Variants in FBXO11 observed in about 807,000 individuals in gnomAD.
FBXO11 encodes F-box protein 11, also known as F-box only protein 11.
A neutral mutation model predicts 117.0 loss-of-function variants in FBXO11; 13 were observed. The ratio of observed to expected loss-of-function variants is 0.11; its 90% CI spans 0.07 to 0.18. The LOEUF (loss-of-function observed/expected upper bound fraction) is 0.18, where lower values mean the gene tolerates loss of function less well. Among genes scored for constraint, FBXO11 ranks in the 10% least tolerant of loss-of-function variants. FBXO11 has a pLI of 1.00. For missense variants in FBXO11, 767 were observed against 1,164.4 expected, an observed-to-expected ratio of 0.66 and a Z score of 4.97; for synonymous variants, 490 against 380.5, an observed-to-expected ratio of 1.29 and a Z score of -3.35.
chr2:47,880,180 TAG>T (rs1676335316), intron 1 of FBXO11, among the ~76,000 whole-genome samples: 1 of 152,104 alleles, frequency 6.6e-6, no homozygotes, highest in Non-Finnish European at 1.5e-5. Context: ...GTATTTTTGG[TAG>T]AGTCAGGGTT....
At chr2:47,854,914 C>A in intron 1 of FBXO11, among the ~76,000 whole-genome samples, 1 of 150,152 alleles carries the variant, frequency 6.7e-6, no homozygotes, top group East Asian at 2.0e-4. Context: ...ATTCATCAAA[C>A]CTTTTATTAA....
chr2:47,812,165 CCTTA>C (rs1670665192), intron 18 of FBXO11, among the ~76,000 whole-genome samples: 2 of 152,224 alleles, frequency 1.3e-5, no homozygotes, highest in Admixed American at 6.5e-5. Flanking sequence ...GTACCTCTTC[CCTTA>C]CTTTCAGTTT....
intron 1 of FBXO11, among the ~76,000 whole-genome samples, chr2:47,867,135 CTCTT>C (rs1675257866): frequency 2.6e-5 from 4 of 152,202 alleles, no homozygotes; most frequent in Admixed American, 1.3e-4. Flanking sequence ...ATTCTCTCCT[CTCTT>C]TATTGGTACA....
intron 1 of FBXO11, among the ~76,000 whole-genome samples, chr2:47,900,592 A>ACACG (rs1558486164): frequency 1.4e-5 from 2 of 145,114 alleles, no homozygotes; most frequent in African/African-American, 2.7e-5. Context: ...ATATATACGT[A>ACACG]TATACACACG....
At position 47,806,956 on chromosome 2, in the gene FBXO11, A is replaced by AT; in HGVS notation, c.*1161dup. 1 of 952,076 alleles carries AT rather than the reference A, an allele frequency of 1.1e-6. No individual in the cohort carries two copies. Among genetic ancestry groups the AT allele is most frequent in the Admixed American group, 2.0e-5 (1 of 50,116 alleles). 59.0% of individuals were successfully genotyped at this position (952,076 alleles called of 1,614,324 possible). A position where few individuals can be genotyped will look rare whatever the true frequency, so the allele number is the denominator to read the frequency against. On this transcript the variant is annotated 3_prime_UTR_variant, in exon 23 of 23. Coordinates refer to ENST00000403359, the MANE Select transcript of FBXO11 (RefSeq NM_001190274.2). ...TAAACTTTATTTTTTAAAAATGACC[A>AT]TTTTTCCATTTTCTTTCTAGGAAAT... is the stretch of plus-strand genomic sequence containing the variant.
At position 47,839,746 on chromosome 2, in the gene FBXO11, C is replaced by T; in HGVS notation, c.256G>A (p.Val86Ile). ...ERDDDVPADMVAEESGPGAQN... is the reference protein window; with the variant it reads ...ERDDDVPADMIAEESGPGAQN... Reference sequence around the variant, plus strand: ...GCACCAGGACCTGATTCTTCTGCAACCATATCTGCAGGCACATCATCATCT... The same window carrying T: ...GCACCAGGACCTGATTCTTCTGCAATCATATCTGCAGGCACATCATCATCT... Residue 86 changes from valine (V) to isoleucine (I), a missense_variant, in exon 2 of 23, where the codon GTT (valine) becomes ATT (isoleucine). Around this residue, in one of 10 missense-constraint regions of FBXO11, gnomAD observed 355 missense variants for 299.8 expected, o/e 1.18. Coordinates refer to ENST00000403359, the MANE Select transcript of FBXO11 (RefSeq NM_001190274.2). The T allele has an allele frequency of 6.2e-7, 1 of 1,613,580 alleles. No individual in the cohort carries two copies.
chr2:47,860,419 T>C (rs1045645514), intron 1 of FBXO11, among the ~76,000 whole-genome samples: 1 of 151,810 alleles, frequency 6.6e-6, no homozygotes, highest in Non-Finnish European at 1.5e-5. Flanking sequence ...GATTTTTTTT[T>C]TTTTTTTTGG....
intron 1 of FBXO11, among the ~76,000 whole-genome samples, chr2:47,858,314 T>A (rs1572857083): frequency 6.6e-6 from 1 of 151,550 alleles, no homozygotes; most frequent in Non-Finnish European, 1.5e-5. Flanking sequence ...CCAGCCCACT[T>A]ATCCAAGTTT....
rs1320056557 is a variant in FBXO11, at chr2:47,905,671, G to A, written c.50C>T (p.Pro17Leu). ...CTGCTGCTGTTGCTGCACCGGGCGC[G>A]GCCGCGACACTCGCCTGGGTCTCCG... is the stretch of plus-strand genomic sequence containing the variant. Reference protein sequence around the residue: ...ANRRPRRVSRPRPVQQQQQQP... With the variant: ...ANRRPRRVSRLRPVQQQQQQP... Residue 17 changes from proline to leucine, a missense_variant, in exon 1 of 23, where the codon CCG (proline) becomes CTG (leucine). By Grantham distance (98) the Pro-to-Leu change is moderately conservative (BLOSUM62 -3). This residue lies in a region of FBXO11 where 355 missense variants were observed against 299.8 expected (regional missense o/e 1.18). Transcript: ENST00000403359. The A allele has an allele frequency of 2.3e-5, 34 of 1,505,968 alleles. No homozygotes were observed. The highest frequency in any genetic ancestry group is 2.8e-5 in the Non-Finnish European group (32 of 1,129,650). 93.3% of individuals were successfully genotyped at this position (1,505,968 alleles called of 1,614,324 possible).
chr2:47,905,419 C>A, intron 1 of FBXO11, 70 bp downstream of exon 1: 1 of 1,146,302 alleles, frequency 8.7e-7, no homozygotes, highest in Non-Finnish European at 1.1e-6. Context: ...CGCCCGCCCG[C>A]CCGCCCGCCC....
intron 1 of FBXO11, among the ~76,000 whole-genome samples, chr2:47,846,513 T>C (rs1673423688): frequency 6.6e-6 from 1 of 152,140 alleles, no homozygotes; most frequent in Admixed American, 6.5e-5. Context: ...TTATATCTAA[T>C]AGAATATTAT....
chr2:47,830,240 C>A (rs1161484215), intron 11 of FBXO11, among the ~76,000 whole-genome samples: 6 of 152,136 alleles, frequency 3.9e-5, no homozygotes, highest in Admixed American at 3.9e-4. Context: ...TCAGAGTTCT[C>A]AGCCATGCTC....
chr2:47,875,833 T>C (rs1675962570), intron 1 of FBXO11, among the ~76,000 whole-genome samples: 1 of 152,230 alleles, frequency 6.6e-6, no homozygotes, highest in Non-Finnish European at 1.5e-5. Flanking sequence ...TTCTTCATTC[T>C]CTTATTTTCA....
chr2:47,818,447 C>G (rs1310200011), intron 16 of FBXO11: 1 of 210,870 alleles, frequency 4.7e-6, no homozygotes, highest in Non-Finnish European at 9.3e-6. Flanking sequence ...TATTGAGTGC[C>G]AATGATATGC....
intron 1 of FBXO11, among the ~76,000 whole-genome samples, chr2:47,841,681 G>A (rs1485719321): frequency 1.3e-5 from 2 of 151,866 alleles, no homozygotes; most frequent in Non-Finnish European, 1.5e-5. Context: ...TCGCTGTGTC[G>A]CCAGGCTGGA....
intron 1 of FBXO11, among the ~76,000 whole-genome samples, chr2:47,847,954 C>G (rs994721509): frequency 4.6e-5 from 7 of 151,858 alleles, no homozygotes; most frequent in African/African-American, 7.3e-5. Context: ...GAAACCCCAT[C>G]TCTACTAAAA....
chr2:47,899,338 C>A (rs1677922520), intron 1 of FBXO11, among the ~76,000 whole-genome samples: 2 of 148,700 alleles, frequency 1.3e-5, no homozygotes, highest in East Asian at 2.0e-4. Context: ...GAGGTTGTAA[C>A]AAGTCATACA....
At chr2:47,866,474 GT>G (rs774659588) in intron 1 of FBXO11, among the ~76,000 whole-genome samples, 295 of 142,182 alleles carry the variant, frequency 2.1e-3, no homozygotes, top group African/African-American at 4.1e-3. Context: ...TAGCAAGTTT[GT>G]TTTTTTTTTT....
chr2:47,896,599 T>C (rs1007284658), intron 1 of FBXO11, among the ~76,000 whole-genome samples: 1 of 152,202 alleles, frequency 6.6e-6, no homozygotes, highest in African/African-American at 2.4e-5. Flanking sequence ...CAAAAAGTGC[T>C]AGGATTACAG....
Sources: gnomAD v4.1 joint callset for allele counts (sites outside exome capture counted in the v4.1 genomes callset) on GRCh38, gnomAD v4.1.1 for gene constraint, gnomAD v4.1.1 regional missense constraint, MANE v1.5 for transcripts, NCBI Gene and HGNC (gene_info 2026-07-23, HGNC 2026-07-21) for gene names.